XXYLT1: variants seen among roughly 807,000 people sequenced by gnomAD.
The protein encoded by XXYLT1 is xyloside xylosyltransferase 1.
A neutral mutation model predicts 28.9 loss-of-function variants in XXYLT1; 20 were observed. The observed-to-expected ratio is 0.69, with a 90% CI of 0.49 to 1.00. XXYLT1 has a LOEUF of 1.00. Among genes scored for constraint, XXYLT1 ranks in the 50% least tolerant of loss-of-function variants. The pLI, the probability that XXYLT1 is intolerant of heterozygous loss-of-function variation, is 0.00. For synonymous variants in XXYLT1, 257 were observed against 253.8 expected (o/e 1.01, Z -0.12); for missense variants, 542 against 560.1 (o/e 0.97, Z 0.33).
intron 3 of XXYLT1, among the ~76,000 whole-genome samples, chr3:195,130,448 G>A (rs7628775): frequency 0.13 from 20,457 of 152,264 alleles, 1,611 homozygotes; most frequent in East Asian, 0.27. Flanking sequence ...ACCTTTAGCT[G>A]TGGAGACACC....
chr3:195,176,151 G>A lies in XXYLT1; in HGVS notation c.653-19570C>T, dbSNP rs936802399. On this transcript the variant is annotated intron_variant, in intron 2 of 3. Coordinates refer to ENST00000310380, the MANE Select transcript of XXYLT1 (RefSeq NM_152531.5). The surrounding 1 kb of genome is among the most constrained non-coding windows in gnomAD (Gnocchi z 4.9). ...AACTCACTGCAACCTCCATCTCCTG[G>A]GCTCAGATGATCCTCCCACCTCAGC... Among the ~76,000 whole-genome samples the A allele has an allele frequency of 1.3e-5, 2 of 152,096 alleles. No individual in the cohort carries two copies. Among genetic ancestry groups the A allele is most frequent in the Non-Finnish European group, 2.9e-5 (2 of 68,036 alleles).
At chr3:195,204,538 GGCCA>G (rs765018761) in intron 2 of XXYLT1, among the ~76,000 whole-genome samples, 1 of 150,300 alleles carries the variant, frequency 6.7e-6, no homozygotes, top group African/African-American at 2.5e-5. Flanking sequence ...CTGAACTGCT[GGCCA>G]GCCAGCCAGC....
chr3:195,110,117 G>A (rs552694980), intron 3 of XXYLT1, among the ~76,000 whole-genome samples: 4,849 of 49,958 alleles, frequency 0.097, 1,424 homozygotes, highest in African/African-American at 0.29. Context: ...ATGTGTGCAT[G>A]TGTGGTGTGT....
chr3:195,211,668 T>C (rs962304754), intron 2 of XXYLT1, among the ~76,000 whole-genome samples: 15 of 152,042 alleles, frequency 9.9e-5, no homozygotes, highest in African/African-American at 3.6e-4. Flanking sequence ...CCATTCCACA[T>C]GAGCAGACGA....
At chr3:195,165,801 T>C (rs1461972820) in intron 2 of XXYLT1, among the ~76,000 whole-genome samples, 1 of 152,132 alleles carries the variant, frequency 6.6e-6, no homozygotes, top group African/African-American at 2.4e-5. Context: ...GTTGATACTA[T>C]ATCTTCTAAA....
chr3:195,214,313 T>G (rs1317914590), intron 2 of XXYLT1, among the ~76,000 whole-genome samples: 1 of 152,126 alleles, frequency 6.6e-6, no homozygotes, highest in Admixed American at 6.5e-5. Context: ...TCCACCCTCC[T>G]ATGGGGCAGA....
chr3:195,154,509 A>G (rs1441886120), intron 3 of XXYLT1, among the ~76,000 whole-genome samples: 1 of 152,180 alleles, frequency 6.6e-6, no homozygotes, highest in East Asian at 1.9e-4. Context: ...CTCTTTAATG[A>G]GGGTCTCTCT....
At chr3:195,100,330 T>C (rs547843554) in intron 3 of XXYLT1, among the ~76,000 whole-genome samples, 23 of 152,116 alleles carry the variant, frequency 1.5e-4, no homozygotes, top group Non-Finnish European at 2.8e-4. Flanking sequence ...CTATATGGCA[T>C]GGAAGCCAGG....
At position 195,255,423 on chromosome 3, in the gene XXYLT1, T is replaced by C. The variant is rs1486789974; in HGVS notation, c.504+15132A>G. On this transcript the variant is annotated intron_variant, in intron 1 of 3. Transcript: ENST00000310380. This position sits in a 1 kb window ranked among gnomAD's most constrained non-coding sequence, Gnocchi z 4.5. Reference sequence around the variant, plus strand: ...AAGTGGGCTGAGCAGGGCCAGGCAATGGGTTGGAGGGAGCCATGACTCTGG... The same window carrying C: ...AAGTGGGCTGAGCAGGGCCAGGCAACGGGTTGGAGGGAGCCATGACTCTGG... Among the ~76,000 whole-genome samples the C allele has an allele frequency of 3.3e-5, 5 of 151,090 alleles. No individual in the cohort carries two copies. Among genetic ancestry groups the C allele is most frequent in the African/African-American group, 1.2e-4 (5 of 41,376 alleles).
chr3:195,128,717 T>C (rs1302549257), intron 3 of XXYLT1, among the ~76,000 whole-genome samples: 1 of 152,208 alleles, frequency 6.6e-6, no homozygotes, highest in African/African-American at 2.4e-5. Context: ...TTACCTCTAA[T>C]TGGGCCTCTC....
At chr3:195,106,004 G>A (rs1157864836) in intron 3 of XXYLT1, among the ~76,000 whole-genome samples, 11 of 152,242 alleles carry the variant, frequency 7.2e-5, no homozygotes, top group East Asian at 3.9e-4. Context: ...TCACCGGCGC[G>A]TAGCATTTAA....
At chr3:195,073,810 C>T (rs1714962762) in intron 3 of XXYLT1, among the ~76,000 whole-genome samples, 1 of 152,120 alleles carries the variant, frequency 6.6e-6, no homozygotes, top group Non-Finnish European at 1.5e-5. Flanking sequence ...ATAAAAAAGA[C>T]TATTAAAAGC....
intron 3 of XXYLT1, among the ~76,000 whole-genome samples, chr3:195,110,312 G>GCATT (rs1560100741): frequency 6.2e-4 from 2 of 3,244 alleles, no homozygotes; most frequent in Non-Finnish European, 6.8e-4. Flanking sequence ...GTATATGTGT[G>GCATT]TGTGGGTGAG....
intron 2 of XXYLT1, among the ~76,000 whole-genome samples, chr3:195,181,385 C>T (rs1183076998): frequency 4.6e-5 from 7 of 152,226 alleles, no homozygotes; most frequent in Non-Finnish European, 1.0e-4. Context: ...ACATTTACCC[C>T]CTGGCCCTGA....
At chr3:195,139,396 T>C (rs958963407) in intron 3 of XXYLT1, among the ~76,000 whole-genome samples, 2 of 152,172 alleles carry the variant, frequency 1.3e-5, no homozygotes, top group Middle Eastern at 3.2e-3. Context: ...AGAGTCAGAA[T>C]AGGCAGCAGG....
intron 2 of XXYLT1, among the ~76,000 whole-genome samples, chr3:195,201,870 A>G (rs962018013): frequency 6.6e-6 from 1 of 152,152 alleles, no homozygotes; most frequent in African/African-American, 2.4e-5. Context: ...GGAAACCAAG[A>G]GCTAACCGAC....
In XXYLT1 at chr3:195,105,674, G is replaced by A. The variant is rs1238396542; in HGVS notation, c.786-35563C>T. Among the ~76,000 whole-genome samples the A allele has an allele frequency of 2.0e-5, 3 of 152,338 alleles. No individual in the cohort carries two copies. In the South Asian group the frequency reaches 6.2e-4, roughly 32 times the overall value. On this transcript the variant is annotated intron_variant, in intron 3 of 3. Transcript: ENST00000310380. ...AGTCTGCGCCTCCGCGTCCACTCAC[G>A]GGGCCACCGAGCAGTGATTTGGAGA...
At chr3:195,140,371 G>A (rs186901114) in intron 3 of XXYLT1, among the ~76,000 whole-genome samples, 1 of 152,332 alleles carries the variant, frequency 6.6e-6, no homozygotes, top group African/African-American at 2.4e-5. Context: ...GCACGGACTA[G>A]CAGAGGATGT....
chr3:195,175,990 G>A, intron 2 of XXYLT1: 2 of 1,082,270 alleles, frequency 1.8e-6, no homozygotes, highest in African/African-American at 1.6e-5. Flanking sequence ...GAGGTCATCA[G>A]TGTATACGTA....
Sources: gnomAD v4.1 joint callset for allele counts (sites outside exome capture counted in the v4.1 genomes callset) on GRCh38, gnomAD v4.1.1 for gene constraint, Gnocchi (gnomAD v3.1) non-coding constraint, MANE v1.5 for transcripts, NCBI Gene and HGNC (gene_info 2026-07-23, HGNC 2026-07-21) for gene names.